Variants in UTRN observed in about 807,000 individuals in gnomAD.
The protein encoded by UTRN is utrophin.
In UTRN, 283 loss-of-function variants were observed where a neutral mutation model predicts 463.9. The ratio of observed to expected loss-of-function variants is 0.61; its 90% confidence interval spans 0.55 to 0.67. UTRN has a LOEUF of 0.67. Among genes scored for constraint, UTRN ranks in the 30% least tolerant of loss-of-function variants. The probability of loss-of-function intolerance (pLI) is 0.00; values close to 1 mark genes in which losing one functional copy is unlikely to be tolerated. For synonymous variants in UTRN, 1,442 were observed against 1,431.5 expected (o/e 1.01, Z -0.17); for missense variants, 3,922 against 4,084.3 (o/e 0.96, Z 1.08).
At chr6:144,709,515 T>C (rs1380703015) in intron 53 of UTRN, among the ~76,000 whole-genome samples, 1 of 152,212 alleles carries the variant, frequency 6.6e-6, no homozygotes, top group African/African-American at 2.4e-5. Flanking sequence ...TTGATACTAA[T>C]ATTAGCCAAG....
At chr6:144,444,910 T>C (rs890796072) in intron 14 of UTRN, among the ~76,000 whole-genome samples, 1 of 152,364 alleles carries the variant, frequency 6.6e-6, no homozygotes, top group African/African-American at 2.4e-5. Context: ...CAAATGAATC[T>C]GTTGTACAAA....
chr6:144,593,899 A>T (rs1016447580), intron 51 of UTRN, among the ~76,000 whole-genome samples: 3 of 152,352 alleles, frequency 2.0e-5, no homozygotes, highest in African/African-American at 4.8e-5. Context: ...AAACACAGAC[A>T]GCATTTCCAA....
chr6:144,773,192 C>T (rs1794277450), intron 59 of UTRN, among the ~76,000 whole-genome samples: 1 of 152,016 alleles, frequency 6.6e-6, no homozygotes, highest in Non-Finnish European at 1.5e-5. Flanking sequence ...GTTGTAGGAT[C>T]ATTTGAACCA....
intron 23 of UTRN, among the ~76,000 whole-genome samples, chr6:144,472,042 T>G (rs1489774458): frequency 6.6e-6 from 1 of 152,194 alleles, no homozygotes; most frequent in Non-Finnish European, 1.5e-5. Context: ...TTTTTACCCT[T>G]GATCTCAGGG....
chr6:144,602,755 A>G (rs549352786), intron 51 of UTRN, among the ~76,000 whole-genome samples: 9 of 152,332 alleles, frequency 5.9e-5, no homozygotes, highest in African/African-American at 1.9e-4. Context: ...CTCCATACAG[A>G]CAGGGGCCCT....
At position 144,789,179 on chromosome 6, in the gene UTRN, T is replaced by C. The variant is rs1433185221; in HGVS notation, c.8835-15T>C. 6.2e-7 allele frequency: 1 copy of C among 1,603,956 alleles called. No homozygotes were observed. The highest frequency in any genetic ancestry group is 1.7e-5 in the Admixed American group (1 of 59,526). On this transcript the variant is annotated splice_polypyrimidine_tract_variant and intron_variant, in intron 61 of 74. Transcript: ENST00000367545. Reference sequence around the variant, plus strand: ...TTTAAATGCATCTAACACATTAACATTCTTATAATTTTAGGGGTCGAACTG... The same window carrying C: ...TTTAAATGCATCTAACACATTAACACTCTTATAATTTTAGGGGTCGAACTG...
In UTRN at chr6:144,593,945, T is replaced by C. The variant is rs181848257; in HGVS notation, c.7479+16657T>C. Reference sequence around the variant, plus strand: ...TAAAAAAGAAATTGCATAATATTTGTATCTTTAAAATAAGGACATAATTCT... The same window carrying C: ...TAAAAAAGAAATTGCATAATATTTGCATCTTTAAAATAAGGACATAATTCT... On this transcript the variant is annotated intron_variant, in intron 51 of 74. Transcript: ENST00000367545. Among the ~76,000 whole-genome samples, 11 of 152,362 alleles carry C rather than the reference T, an allele frequency of 7.2e-5. No homozygotes were observed. In the East Asian group the frequency reaches 2.1e-3, roughly 29 times the overall value.
chr6:144,572,006 G>T (rs1167400051), intron 50 of UTRN, among the ~76,000 whole-genome samples: 1 of 152,032 alleles, frequency 6.6e-6, no homozygotes. Context: ...TGTGTTATTC[G>T]TTTGTTTTTG....
At chr6:144,403,044 A>C in intron 2 of UTRN, 79 bp from the exon 3 acceptor site, 572 of 1,248,640 alleles carry the variant, frequency 4.6e-4, no homozygotes, top group Non-Finnish European at 6.2e-4. Flanking sequence ...TCTCCAGGAT[A>C]GAGATAACCT....
Position 144,487,597 on chromosome 6 carries a change from G to A in UTRN, c.3872G>A (p.Arg1291Gln), listed in dbSNP as rs756659244. 14 of 1,613,192 alleles carry A rather than the reference G, an allele frequency of 8.7e-6. No homozygotes were observed. In the South Asian group the frequency reaches 1.2e-4, roughly 14 times the overall value. The stretch of plus-strand genomic sequence containing the variant: ...CCGGCAGATAATCGCACCCAGATTC[G>A]AGAGCTTGGCCAGACTCTGATTGAT... ...RHPADNRTQI[R>Q]ELGQTLIDGG... Residue 1291 changes from arginine (R) to glutamine (Q), a missense_variant, in exon 29 of 75, where the codon CGA becomes CAA. Around this residue, in one of 3 missense-constraint regions of UTRN, gnomAD observed 2,349 missense variants for 2,303.8 expected, o/e 1.02. Transcript: ENST00000367545.
chr6:144,295,896 A>G (rs987616696), intron 2 of UTRN, among the ~76,000 whole-genome samples: 2 of 152,188 alleles, frequency 1.3e-5, no homozygotes, highest in Admixed American at 1.3e-4. Flanking sequence ...TGTCTTCCTC[A>G]GGGCCTTTGC....
At chr6:144,777,633 A>G (rs1055604767) in intron 60 of UTRN, among the ~76,000 whole-genome samples, 1 of 152,036 alleles carries the variant, frequency 6.6e-6, no homozygotes, top group Non-Finnish European at 1.5e-5. Context: ...TTGTATTTTG[A>G]TTTTGAAACT....
At chr6:144,674,406 G>A (rs987822452) in intron 51 of UTRN, among the ~76,000 whole-genome samples, 3 of 145,758 alleles carry the variant, frequency 2.1e-5, no homozygotes, top group Non-Finnish European at 4.5e-5. Flanking sequence ...GAGCTCTAAA[G>A]TTTTTTTTTT....
intron 51 of UTRN, among the ~76,000 whole-genome samples, chr6:144,591,752 G>A (rs1185043842): frequency 6.6e-6 from 1 of 151,558 alleles, no homozygotes; most frequent in Non-Finnish European, 1.5e-5. Context: ...CCCAAAATCC[G>A]AATTTAGTAT....
Position 144,656,855 on chromosome 6 carries a change from A to T in UTRN, c.7480-21551A>T, listed in dbSNP as rs1325074062. On this transcript the variant is annotated intron_variant, in intron 51 of 74. Coordinates refer to ENST00000367545, the MANE Select transcript of UTRN (RefSeq NM_007124.3). ...AGAGTATAGTTACCCTGTGATTAAA[A>T]TTAGTTAAGAATTTAAAAAAAATCT... 1.6e-4 allele frequency among the ~76,000 whole-genome samples: 24 copies of T among 152,206 alleles called. 1 individual carries two copies. The highest frequency in any genetic ancestry group is 1.5e-3 in the Admixed American group (23 of 15,280).
chr6:144,815,285 A>T (rs776725354), intron 65 of UTRN, among the ~76,000 whole-genome samples: 3 of 152,262 alleles, frequency 2.0e-5, no homozygotes, highest in Non-Finnish European at 4.4e-5. Flanking sequence ...TGTACCACAG[A>T]GTACCTAAAT....
At chr6:144,583,541 T>G (rs1463079331) in intron 51 of UTRN, 1 of 716,114 alleles carries the variant, frequency 1.4e-6, no homozygotes, top group African/African-American at 1.7e-5. Context: ...AGTTGTGGTT[T>G]TGTTGCATCG....
intron 9 of UTRN, among the ~76,000 whole-genome samples, chr6:144,432,519 C>G (rs958236094): frequency 3.3e-5 from 5 of 152,102 alleles, no homozygotes; most frequent in Non-Finnish European, 7.4e-5. Flanking sequence ...AAAGATCATT[C>G]TGGCTGCTGT....
At chr6:144,753,082 A>C (rs1414620029) in intron 56 of UTRN, among the ~76,000 whole-genome samples, 1 of 152,226 alleles carries the variant, frequency 6.6e-6, no homozygotes, top group Non-Finnish European at 1.5e-5. Flanking sequence ...CAATTTAAAT[A>C]GCTAGCCAGG....
Sources: allele counts gnomAD v4.1 joint callset (sites outside exome capture counted in the v4.1 genomes callset), GRCh38; gene constraint gnomAD v4.1.1; regional missense constraint gnomAD v4.1.1; transcripts MANE v1.5; gene names NCBI Gene and HGNC (gene_info 2026-07-23, HGNC 2026-07-21).